SPAG16: variants seen among roughly 807,000 people sequenced by gnomAD.
The protein encoded by SPAG16 is sperm associated antigen 16.
A neutral mutation model predicts 80.4 loss-of-function variants in SPAG16; 86 were observed. That is an observed-to-expected ratio of 1.07 (90% CI 0.90 to 1.28). The LOEUF (loss-of-function observed/expected upper bound fraction) is 1.28. Ranked by LOEUF, SPAG16 falls within the 50% of genes most tolerant of loss-of-function variation. The pLI is 0.00. For missense variants in SPAG16, 870 were observed against 765.3 expected, an observed-to-expected ratio of 1.14 and a Z score of -1.61; for synonymous variants, 294 against 265.9, an observed-to-expected ratio of 1.11 and a Z score of -1.03.
At chr2:213,316,571 T>C (rs1038806511) in intron 4 of SPAG16, among the ~76,000 whole-genome samples, 2 of 152,068 alleles carry the variant, frequency 1.3e-5, no homozygotes, top group Non-Finnish European at 2.9e-5. Context: ...TCCTGACTCA[T>C]CTTTCACCAT....
chr2:214,289,145 C>T (rs974838902), intron 15 of SPAG16, among the ~76,000 whole-genome samples: 2 of 152,122 alleles, frequency 1.3e-5, no homozygotes, highest in African/African-American at 4.8e-5. Flanking sequence ...AGATATTAGC[C>T]TCTTGTTGCA....
At chr2:213,695,255 A>C (rs2125307642) in intron 10 of SPAG16, among the ~76,000 whole-genome samples, 1 of 152,258 alleles carries the variant, frequency 6.6e-6, no homozygotes, top group Middle Eastern at 3.4e-3. Flanking sequence ...ACACATGACC[A>C]TCAGGGCAAC....
chr2:213,411,727 C>T (rs1253432657), intron 9 of SPAG16, among the ~76,000 whole-genome samples: 1 of 152,046 alleles, frequency 6.6e-6, no homozygotes, highest in Non-Finnish European at 1.5e-5. Flanking sequence ...CCCTCGCAGC[C>T]GTAATAGGTG....
intron 10 of SPAG16, among the ~76,000 whole-genome samples, chr2:213,730,938 A>G (rs966403577): frequency 1.3e-5 from 2 of 151,958 alleles, no homozygotes; most frequent in African/African-American, 2.4e-5. Flanking sequence ...TTTTTCCTTT[A>G]CTGTGCCAAG....
chr2:213,775,854 G>C (rs1389121446), intron 10 of SPAG16, among the ~76,000 whole-genome samples: 2 of 151,844 alleles, frequency 1.3e-5, no homozygotes, highest in Non-Finnish European at 2.9e-5. Context: ...GGTTTTATTT[G>C]TGTATACCAT....
chr2:213,315,004 C>A (rs1311433123), intron 4 of SPAG16, among the ~76,000 whole-genome samples: 1 of 136,774 alleles, frequency 7.3e-6, no homozygotes, highest in Non-Finnish European at 1.5e-5. Context: ...AAGTATATAA[C>A]ACAAAATATG....
At chr2:214,174,360 C>T (rs2056993721) in intron 15 of SPAG16, among the ~76,000 whole-genome samples, 2 of 151,784 alleles carry the variant, frequency 1.3e-5, no homozygotes, top group East Asian at 3.9e-4. Flanking sequence ...TCTCCTTAAG[C>T]TGATAAGCAA....
chr2:213,831,136 T>G (rs1187328359), intron 10 of SPAG16, among the ~76,000 whole-genome samples: 7 of 148,418 alleles, frequency 4.7e-5, no homozygotes, highest in African/African-American at 7.5e-5. Context: ...GCCTCCTGAG[T>G]TCAAGCGATT....
chr2:213,498,765 TAAG>T lies in SPAG16; in HGVS notation c.1070+8677_1070+8679del, dbSNP rs1404371262. Among the ~76,000 whole-genome samples the T allele has an allele frequency of 2.6e-5, 4 of 152,318 alleles. No homozygotes were observed. In the East Asian group the frequency reaches 7.7e-4, roughly 29 times the overall value. ...TGTTATTATCATCCATATGGTCATC[TAAG>T]ATGACCTGTGAGTCTTTTTAACATC... On this transcript the variant is annotated intron_variant, in intron 10 of 15. Transcript: ENST00000331683.
chr2:214,233,695 A>C (rs894552025), intron 15 of SPAG16, among the ~76,000 whole-genome samples: 2 of 152,082 alleles, frequency 1.3e-5, no homozygotes, highest in African/African-American at 4.8e-5. Context: ...TTTATAGAAA[A>C]GTCTGTGATA....
intron 13 of SPAG16, among the ~76,000 whole-genome samples, chr2:214,103,611 C>T: frequency 6.6e-6 from 1 of 152,102 alleles, no homozygotes; most frequent in East Asian, 1.9e-4. Flanking sequence ...ACAGAAAGCA[C>T]AAAGGCGGGA....
intron 13 of SPAG16, among the ~76,000 whole-genome samples, chr2:214,107,505 A>G (rs550416452): frequency 6.6e-6 from 1 of 152,268 alleles, no homozygotes; most frequent in Admixed American, 6.5e-5. Context: ...GAAAGGCCCC[A>G]CATTTAGATA....
At chr2:213,721,941 G>A (rs1417894051) in intron 10 of SPAG16, among the ~76,000 whole-genome samples, 1 of 152,110 alleles carries the variant, frequency 6.6e-6, no homozygotes, top group Non-Finnish European at 1.5e-5. Flanking sequence ...CATATTACAA[G>A]TGCTTTATTT....
intron 15 of SPAG16, among the ~76,000 whole-genome samples, chr2:214,339,539 G>T (rs1697522041): frequency 6.6e-6 from 1 of 152,164 alleles, no homozygotes; most frequent in African/African-American, 2.4e-5. Flanking sequence ...TAGAAAATTT[G>T]TTGTAAGGGA....
intron 9 of SPAG16, among the ~76,000 whole-genome samples, chr2:213,464,720 C>T (rs905377036): frequency 6.6e-6 from 1 of 152,208 alleles, no homozygotes; most frequent in African/African-American, 2.4e-5. Flanking sequence ...AGGCAAGCCT[C>T]ACAAGCATTA....
intron 15 of SPAG16, among the ~76,000 whole-genome samples, chr2:214,352,565 T>TGTGTGTGTGTGTGTGTGTGTGTGTGTGA (rs375089345): frequency 0.012 from 798 of 64,796 alleles, 2 homozygotes; most frequent in South Asian, 0.03. Flanking sequence ...TCTCTGTGTG[T>TGTGTGTGTGTGTGTGTGTGTGTGTGTGA]GTGTGTGTGT....
chr2:214,250,339 A>G (rs951234635), intron 15 of SPAG16, among the ~76,000 whole-genome samples: 1 of 152,012 alleles, frequency 6.6e-6, no homozygotes, highest in African/African-American at 2.4e-5. Flanking sequence ...TGTAAATAGA[A>G]ATCATTCAGA....
At chr2:213,537,524 T>C (rs2076292925) in intron 10 of SPAG16, among the ~76,000 whole-genome samples, 1 of 152,090 alleles carries the variant, frequency 6.6e-6, no homozygotes. Flanking sequence ...AATTCTGCTC[T>C]ATATAAGTTC....
intron 7 of SPAG16, among the ~76,000 whole-genome samples, chr2:213,363,259 TA>T (rs1356324874): frequency 1.3e-5 from 2 of 152,160 alleles, no homozygotes; most frequent in Non-Finnish European, 2.9e-5. Context: ...TATGCTATTC[TA>T]AATAAAAAGT....
Sources: allele counts gnomAD v4.1 joint callset (sites outside exome capture counted in the v4.1 genomes callset), GRCh38; gene constraint gnomAD v4.1.1; transcripts MANE v1.5; gene names NCBI Gene and HGNC (gene_info 2026-07-23, HGNC 2026-07-21).